Variants in C15orf61 observed in about 807,000 individuals in gnomAD.
C15orf61 encodes the protein uncharacterized protein C15orf61.
A neutral mutation model predicts 13.7 loss-of-function variants in C15orf61; 12 were observed. The ratio of observed to expected loss-of-function variants is 0.88; its 90% CI spans 0.56 to 1.42. The LOEUF (loss-of-function observed/expected upper bound fraction) is 1.42. Among genes scored for constraint, C15orf61 ranks in the 40% most tolerant of loss-of-function variants. C15orf61 has a pLI of 0.00. For missense variants in C15orf61, 248 were observed against 213.2 expected, an observed-to-expected ratio of 1.16 and a Z score of -1.02; for synonymous variants, 92 against 94.1, an observed-to-expected ratio of 0.98 and a Z score of 0.13.
chr15:67,521,677 C>A, intron 1 of C15orf61, 83 bp downstream of exon 1: 2 of 1,305,590 alleles, frequency 1.5e-6, no homozygotes, highest in Non-Finnish European at 2.1e-6. Flanking sequence ...GACGAACGCT[C>A]GCAGGCCGGT....
chr15:67,521,296 G>A lies in C15orf61; in HGVS notation c.48G>A (p.Leu16=). 1.3e-6 allele frequency: 2 copies of A among 1,514,100 alleles called. No individual in the cohort carries two copies. Among genetic ancestry groups the A allele is most frequent in the South Asian group, 2.5e-5 (2 of 80,052 alleles). 93.8% of individuals were successfully genotyped at this position (1,514,100 alleles called of 1,614,324 possible). Residue 16 remains leucine (L), a synonymous_variant, in exon 1 of 2, where the codon CTG becomes CTA. Transcript: ENST00000342683. ...ACGAGGTCGCGCTCCGCCTGCTGCT[G>A]TGTAGGCCGTGGGCCTCGCGCGCCG... ...RAHEVALRLL[L]CRPWASRAAA...
rs920324668 is a variant in C15orf61, at chr15:67,527,122, A to G, written c.*577A>G. The G allele has an allele frequency of 1.3e-5, 2 of 152,202 alleles. No homozygotes were observed. The highest frequency in any genetic ancestry group is 2.9e-5 in the Non-Finnish European group (2 of 68,016). 9.4% of individuals were successfully genotyped at this position (152,202 alleles called of 1,614,324 possible). On this transcript the variant is annotated 3_prime_UTR_variant, in exon 2 of 2. Coordinates refer to ENST00000342683, the MANE Select transcript of C15orf61 (RefSeq NM_001143936.2). Reference sequence around the variant, plus strand: ...GTAATGTTGAAACTTCTTGTTGCTTAAAGAGTCCAAAACCATATCGTTTGT... The same window carrying G: ...GTAATGTTGAAACTTCTTGTTGCTTGAAGAGTCCAAAACCATATCGTTTGT...
intron 1 of C15orf61, among the ~76,000 whole-genome samples, chr15:67,523,958 C>T (rs1220353508): frequency 6.6e-6 from 1 of 152,142 alleles, no homozygotes; most frequent in Non-Finnish European, 1.5e-5. Context: ...TTTAATAAGA[C>T]ATAATATAGT....
Position 67,521,244 on chromosome 15 carries a change from G to T in C15orf61, c.-5G>T. 1 of 1,230,622 alleles carries T rather than the reference G, an allele frequency of 8.1e-7. No homozygotes were observed. The highest frequency in any genetic ancestry group is 1.0e-6 in the Non-Finnish European group (1 of 985,544). The allele number at this position is 1,230,622 out of a possible 1,614,324, so 76.2% of individuals were successfully genotyped here. A position where few individuals can be genotyped will look rare whatever the true frequency, so the allele number is the denominator to read the frequency against. ...CACCAGCCTGCGTCCCCGGCGCGGC[G>T]GGCCATGGAGGCCCTGAGGAGGGCC... On this transcript the variant is annotated 5_prime_UTR_variant, in exon 1 of 2. Coordinates refer to ENST00000342683, the MANE Select transcript of C15orf61 (RefSeq NM_001143936.2).
chr15:67,526,321 T>C (rs564949258), intron 1 of C15orf61, 97 bp from the exon 2 acceptor site: 2 of 697,046 alleles, frequency 2.9e-6, no homozygotes, highest in African/African-American at 3.7e-5. Flanking sequence ...TTTTATCACA[T>C]TGTAATTTGT....
chr15:67,523,818 C>T (rs2084183879), intron 1 of C15orf61, among the ~76,000 whole-genome samples: 1 of 152,008 alleles, frequency 6.6e-6, no homozygotes, highest in African/African-American at 2.4e-5. Context: ...GCAAACCTTC[C>T]CATTTTGAGT....
chr15:67,526,375 A>G (rs772530959), intron 1 of C15orf61, 43 bp from the exon 2 acceptor site: 3 of 1,315,354 alleles, frequency 2.3e-6, no homozygotes, highest in Non-Finnish European at 3.1e-6. Context: ...AACTTGCATG[A>G]TTAATAAGCA....
Position 67,526,372 on chromosome 15 carries a change from A to G in C15orf61, c.347-46A>G, listed in dbSNP as rs1175120607. On this transcript the variant is annotated intron_variant, in intron 1 of 1. Coordinates refer to ENST00000342683, the MANE Select transcript of C15orf61 (RefSeq NM_001143936.2). Reference sequence around the variant, plus strand: ...GTGTTATACGTGATCAGTAACTTGCATGATTAATAAGCATTGATGTTTATA... The same window carrying G: ...GTGTTATACGTGATCAGTAACTTGCGTGATTAATAAGCATTGATGTTTATA... The G allele has an allele frequency of 6.2e-6, 8 of 1,284,606 alleles. No individual in the cohort carries two copies. In the South Asian group the frequency reaches 1.1e-4, roughly 18 times the overall value. The allele number at this position is 1,284,606 out of a possible 1,614,324, so 79.6% of individuals were successfully genotyped here. A position where few individuals can be genotyped will look rare whatever the true frequency, so the allele number is the denominator to read the frequency against.
At position 67,525,111 on chromosome 15, in the gene C15orf61, C is replaced by T. The variant is rs1305036721; in HGVS notation, c.347-1307C>T. Among the ~76,000 whole-genome samples, 5 of 152,210 alleles carry T rather than the reference C, an allele frequency of 3.3e-5. No individual in the cohort carries two copies. Among genetic ancestry groups the T allele is most frequent in the African/African-American group, 9.6e-5 (4 of 41,460 alleles). ...TCGGCCTCCCAAAGTGCTGGGATTACAGGCGTGAGCCACAGTGCCCAGCCG... is the reference window on the plus strand; with the variant it reads ...TCGGCCTCCCAAAGTGCTGGGATTATAGGCGTGAGCCACAGTGCCCAGCCG... On this transcript the variant is annotated intron_variant, in intron 1 of 1. Coordinates refer to ENST00000342683, the MANE Select transcript of C15orf61 (RefSeq NM_001143936.2). The surrounding 1 kb of genome is among the most constrained non-coding windows in gnomAD (Gnocchi z 4.9).
intron 1 of C15orf61, chr15:67,522,010 A>T (rs1440915211): frequency 8.6e-6 from 6 of 698,046 alleles, no homozygotes; most frequent in Non-Finnish European, 1.6e-5. Flanking sequence ...TTTATGTTGC[A>T]ATAACTGGAA....
rs914023850 is a variant in C15orf61 at position 67,527,316 on chromosome 15, G to A, written c.*771G>A. 1 of 152,104 alleles carries A rather than the reference G, an allele frequency of 6.6e-6. No individual in the cohort carries two copies. The highest frequency in any genetic ancestry group is 1.5e-5 in the Non-Finnish European group (1 of 67,984). The allele number at this position is 152,104 out of a possible 1,614,324, so 9.4% of individuals were successfully genotyped here. The stretch of plus-strand genomic sequence containing the variant: ...TTTATAAAAGCAATTAACTGAAATG[G>A]TACATATCCATAGACTTATTGGCAA... On this transcript the variant is annotated 3_prime_UTR_variant, in exon 2 of 2. Transcript: ENST00000342683.
chr15:67,530,093 A>G lies in C15orf61; in HGVS notation c.*3548A>G, dbSNP rs993569310. 4 of 152,232 alleles carry G rather than the reference A, an allele frequency of 2.6e-5. No individual in the cohort carries two copies. The highest frequency in any genetic ancestry group is 2.6e-4 in the Admixed American group (4 of 15,290). 9.4% of individuals were successfully genotyped at this position (152,232 alleles called of 1,614,324 possible). The stretch of plus-strand genomic sequence containing the variant: ...CTCTGTTACTGTAAATTAATGGAAA[A>G]TGTAACTGCACTTTGCTGAAAGATC... On this transcript the variant is annotated 3_prime_UTR_variant, in exon 2 of 2. Coordinates refer to ENST00000342683, the MANE Select transcript of C15orf61 (RefSeq NM_001143936.2).
At position 67,526,517 on chromosome 15, in the gene C15orf61, A is replaced by G. The variant is rs1222742325; in HGVS notation, c.446A>G (p.Asn149Ser). Residue 149 changes from asparagine (N) to serine (S), a missense_variant, in exon 2 of 2, where the codon AAT becomes AGT. By Grantham distance (46) the Asn-to-Ser change is conservative. Transcript: ENST00000342683. ...SYGPITVYFL[N>S]KEDEGAMY ...GGACCCATAACAGTTTATTTTCTCAATAAAGAAGATGAAGGTGCCATGTAT... is the reference window on the plus strand; with the variant it reads ...GGACCCATAACAGTTTATTTTCTCAGTAAAGAAGATGAAGGTGCCATGTAT... 1 of 1,538,110 alleles carries G rather than the reference A, an allele frequency of 6.5e-7. No homozygotes were observed. Among genetic ancestry groups the G allele is most frequent in the East Asian group, 2.5e-5 (1 of 40,590 alleles).
intron 1 of C15orf61, 48 bp from the exon 2 acceptor site, chr15:67,526,370 G>A (rs2084198839): frequency 8.0e-7 from 1 of 1,256,654 alleles, no homozygotes; most frequent in South Asian, 1.4e-5. Flanking sequence ...TCAGTAACTT[G>A]CATGATTAAT....
rs1426529105 is a variant in C15orf61, at chr15:67,528,359, G to C, written c.*1814G>C. On this transcript the variant is annotated 3_prime_UTR_variant, in exon 2 of 2. Transcript: ENST00000342683. ...CTATTGATCTCTGTAATTCTCTGCTGCTTGCAGCATTAAACAGGGCCTTGA... is the reference window on the plus strand; with the variant it reads ...CTATTGATCTCTGTAATTCTCTGCTCCTTGCAGCATTAAACAGGGCCTTGA... 1 of 152,194 alleles carries C rather than the reference G, an allele frequency of 6.6e-6. No individual in the cohort carries two copies. Among genetic ancestry groups the C allele is most frequent in the Non-Finnish European group, 1.5e-5 (1 of 68,042 alleles). The allele number at this position is 152,194 out of a possible 1,614,324, so 9.4% of individuals were successfully genotyped here.
intron 1 of C15orf61, chr15:67,522,028 T>C (rs2140926699): frequency 1.4e-6 from 1 of 699,340 alleles, no homozygotes. Flanking sequence ...GAACTACTCT[T>C]TTAAGTTTCT....
In C15orf61 at chr15:67,522,099, A is replaced by C. The variant is rs546093568; in HGVS notation, c.346+505A>C. Reference sequence around the variant, plus strand: ...TTTACTAAAAGCACCAAAGGTTTTCACCAGACATAACAGCTTCCTGAGGTG... The same window carrying C: ...TTTACTAAAAGCACCAAAGGTTTTCCCCAGACATAACAGCTTCCTGAGGTG... On this transcript the variant is annotated intron_variant, in intron 1 of 1. Coordinates refer to ENST00000342683, the MANE Select transcript of C15orf61 (RefSeq NM_001143936.2). 82 of 701,770 alleles carry C rather than the reference A, an allele frequency of 1.2e-4. No homozygotes were observed. In the African/African-American group the frequency reaches 1.4e-3, roughly 12 times the overall value. 43.5% of individuals were successfully genotyped at this position (701,770 alleles called of 1,614,324 possible). A position where few individuals can be genotyped will look rare whatever the true frequency, so the allele number is the denominator to read the frequency against.
chr15:67,521,613 G>T lies in C15orf61; in HGVS notation c.346+19G>T. On this transcript the variant is annotated intron_variant, in intron 1 of 1. Transcript: ENST00000342683. ...AACCTCGGTGAGTGGCGACTGCCGC[G>T]CCCACGCGGTGAAGCCCGCCCGGCC... 6.7e-7 allele frequency: 1 copy of T among 1,494,780 alleles called. No individual in the cohort carries two copies. The highest frequency in any genetic ancestry group is 1.2e-5 in the South Asian group (1 of 80,098). 92.6% of individuals were successfully genotyped at this position (1,494,780 alleles called of 1,614,324 possible).
chr15:67,524,941 A>G (rs571918683), intron 1 of C15orf61, among the ~76,000 whole-genome samples: 53 of 151,242 alleles, frequency 3.5e-4, no homozygotes, highest in African/African-American at 1.2e-3. Context: ...GGCTCAAGCA[A>G]TTCTCCTGCC....
Sources: gnomAD v4.1 joint callset for allele counts (sites outside exome capture counted in the v4.1 genomes callset) on GRCh38, gnomAD v4.1.1 for gene constraint, Gnocchi (gnomAD v3.1) non-coding constraint, MANE v1.5 for transcripts, NCBI Gene and HGNC (gene_info 2026-07-23, HGNC 2026-07-21) for gene names.